TRHR: variants seen among roughly 807,000 people sequenced by gnomAD.
TRHR encodes thyrotropin-releasing hormone receptor.
TRHR carries 14 observed loss-of-function variants against 28.0 expected under a neutral mutation model. The observed-to-expected ratio is 0.50, with a 90% CI of 0.33 to 0.78. TRHR has a LOEUF of 0.78. Ranked by LOEUF, TRHR falls within the 30% of genes least tolerant of loss-of-function variation. The pLI is 0.02. For missense variants in TRHR, 438 were observed against 469.5 expected (o/e 0.93, Z 0.62); for synonymous variants, 176 against 171.9 (o/e 1.02, Z -0.18).
chr8:109,092,894 A>C (rs1304768143), intron 2 of TRHR, among the ~76,000 whole-genome samples: 1 of 151,956 alleles, frequency 6.6e-6, no homozygotes, highest in Non-Finnish European at 1.5e-5. Flanking sequence ...TCAAAGACCA[A>C]AATCATCATC....
intron 2 of TRHR, among the ~76,000 whole-genome samples, chr8:109,093,786 C>CTG (rs1811548872): frequency 2.0e-5 from 3 of 151,396 alleles, no homozygotes; most frequent in African/African-American, 7.3e-5. Context: ...CAATAATGAC[C>CTG]TACTGCAAAA....
chr8:109,087,612 A>G lies in TRHR; in HGVS notation c.100A>G (p.Ile34Val). The G allele has an allele frequency of 1.2e-6, 2 of 1,614,132 alleles. No homozygotes were observed. Among genetic ancestry groups the G allele is most frequent in the Non-Finnish European group, 1.7e-6 (2 of 1,180,010 alleles). The change falls in exon 2 of 3, where the codon ATT becomes GTT. Residue 34 changes from isoleucine to valine, a missense_variant. By Grantham distance (29) the Ile-to-Val change is conservative (BLOSUM62 3). Coordinates refer to ENST00000518632, the MANE Select transcript of TRHR (RefSeq NM_003301.7). ...YQVVTILLVLIICGLGIVGNI... is the reference protein window; with the variant it reads ...YQVVTILLVLVICGLGIVGNI... Reference sequence around the variant, plus strand: ...GGTGGTCACCATCTTACTTGTACTCATTATTTGTGGCCTGGGCATTGTAGG... The same window carrying G: ...GGTGGTCACCATCTTACTTGTACTCGTTATTTGTGGCCTGGGCATTGTAGG...
Position 109,120,429 on chromosome 8 carries a change from T to C in TRHR, c.*974T>C, listed in dbSNP as rs1811990906. Reference sequence around the variant, plus strand: ...GTCTGAAACATTCTTAAAAGCTTTGTTGTTATTCTAAGTCAGCCAAAATCC... The same window carrying C: ...GTCTGAAACATTCTTAAAAGCTTTGCTGTTATTCTAAGTCAGCCAAAATCC... On this transcript the variant is annotated 3_prime_UTR_variant, in exon 3 of 3. Transcript: ENST00000518632. Among the ~76,000 whole-genome samples, 1 of 151,800 alleles carries C rather than the reference T, an allele frequency of 6.6e-6. No individual in the cohort carries two copies. The highest frequency in any genetic ancestry group is 1.5e-5 in the Non-Finnish European group (1 of 67,836).
In TRHR at chr8:109,087,497, C is replaced by T; in HGVS notation, c.-16C>T. ...TTGAGAAGTCAGTGTTTCCGAGAAA[C>T]TTTAAGCTTCTAAAGATGGAAAACG... On this transcript the variant is annotated 5_prime_UTR_variant, in exon 2 of 3. Transcript: ENST00000518632. The T allele has an allele frequency of 6.2e-7, 1 of 1,614,022 alleles. No individual in the cohort carries two copies. Among genetic ancestry groups the T allele is most frequent in the South Asian group, 1.1e-5 (1 of 91,082 alleles).
At chr8:109,103,489 CT>C (rs1160905889) in intron 2 of TRHR, among the ~76,000 whole-genome samples, 1 of 152,144 alleles carries the variant, frequency 6.6e-6, no homozygotes, top group African/African-American at 2.4e-5. Flanking sequence ...GTGCTTGACT[CT>C]TGTTGTTCAT....
intron 2 of TRHR, among the ~76,000 whole-genome samples, chr8:109,098,349 C>T (rs565489792): frequency 1.3e-5 from 2 of 151,894 alleles, no homozygotes; most frequent in African/African-American, 2.4e-5. Flanking sequence ...CCAGGCTGCT[C>T]TCAAACTCCT....
In TRHR at chr8:109,119,664, G is replaced by A; in HGVS notation, c.*209G>A. On this transcript the variant is annotated 3_prime_UTR_variant, in exon 3 of 3. Transcript: ENST00000518632. ...AACTAATATCACTAAAAATGGAGCAGATCTGTGAAATAGCTAAATGATGGA... is the reference window on the plus strand; with the variant it reads ...AACTAATATCACTAAAAATGGAGCAAATCTGTGAAATAGCTAAATGATGGA... The A allele has an allele frequency of 1.8e-6, 1 of 562,640 alleles. No individual in the cohort carries two copies. Among genetic ancestry groups the A allele is most frequent in the Non-Finnish European group, 3.1e-6 (1 of 324,654 alleles). The allele number at this position is 562,640 out of a possible 1,614,324, so 34.9% of individuals were successfully genotyped here.
intron 2 of TRHR, among the ~76,000 whole-genome samples, chr8:109,118,805 G>T (rs966393381): frequency 3.3e-5 from 5 of 151,824 alleles, no homozygotes; most frequent in African/African-American, 1.2e-4. Flanking sequence ...GTTGGCTATA[G>T]GGGGAGCTAT....
intron 2 of TRHR, among the ~76,000 whole-genome samples, chr8:109,114,924 A>C (rs924393758): frequency 2.6e-5 from 4 of 152,032 alleles, no homozygotes; most frequent in Non-Finnish European, 4.4e-5. Flanking sequence ...TGACTGATAC[A>C]CAGTAGGGAT....
In TRHR at chr8:109,120,700, T is replaced by C. The variant is rs1242962338; in HGVS notation, c.*1245T>C. On this transcript the variant is annotated 3_prime_UTR_variant, in exon 3 of 3. Transcript: ENST00000518632. ...AGTATGTCATCTTTATATTTATGAC[T>C]GACATCTGCTATTCCAGTGTTTATT... Among the ~76,000 whole-genome samples, 2 of 151,830 alleles carry C rather than the reference T, an allele frequency of 1.3e-5. No homozygotes were observed. The highest frequency in any genetic ancestry group is 2.9e-5 in the Non-Finnish European group (2 of 67,850).
At chr8:109,109,102 G>A (rs1454314218) in intron 2 of TRHR, among the ~76,000 whole-genome samples, 1 of 152,166 alleles carries the variant, frequency 6.6e-6, no homozygotes, top group African/African-American at 2.4e-5. Context: ...GCGTGAATAA[G>A]AATACCTTTG....
chr8:109,093,239 G>A (rs1811540601), intron 2 of TRHR, among the ~76,000 whole-genome samples: 1 of 151,646 alleles, frequency 6.6e-6, no homozygotes, highest in South Asian at 2.1e-4. Flanking sequence ...ATGTGTCTCA[G>A]TGATCCCCAC....
intron 2 of TRHR, among the ~76,000 whole-genome samples, chr8:109,101,438 G>A (rs886084729): frequency 2.6e-5 from 4 of 152,200 alleles, no homozygotes; most frequent in East Asian, 3.9e-4. Context: ...ACTATGTGAC[G>A]TGAACAAGTT....
chr8:109,116,434 G>A (rs1811922680), intron 2 of TRHR, among the ~76,000 whole-genome samples: 1 of 152,016 alleles, frequency 6.6e-6, no homozygotes, highest in African/African-American at 2.4e-5. Flanking sequence ...TCTGCTCCTG[G>A]ACTTTTTTTG....
At chr8:109,094,621 A>G (rs1811562255) in intron 2 of TRHR, among the ~76,000 whole-genome samples, 1 of 151,884 alleles carries the variant, frequency 6.6e-6, no homozygotes, top group African/African-American at 2.4e-5. Flanking sequence ...TACATATCCT[A>G]TAAGTTGACT....
intron 2 of TRHR, among the ~76,000 whole-genome samples, chr8:109,090,597 A>C (rs1013178284): frequency 2.6e-5 from 4 of 152,196 alleles, no homozygotes; most frequent in Non-Finnish European, 5.9e-5. Flanking sequence ...GTGTCTTGTA[A>C]TTCAACCCTG....
In TRHR at chr8:109,087,428, G is replaced by A. The variant is rs569370454; in HGVS notation, c.-85G>A. 3.0e-5 allele frequency: 43 copies of A among 1,431,094 alleles called. No individual in the cohort carries two copies. The highest frequency in any genetic ancestry group is 3.9e-5 in the Non-Finnish European group (40 of 1,026,206). 88.6% of individuals were successfully genotyped at this position (1,431,094 alleles called of 1,614,324 possible). A position where few individuals can be genotyped will look rare whatever the true frequency, so the allele number is the denominator to read the frequency against. ...TATGTACTATGACCCTTCACAGGGG[G>A]ATGGAACTGCTGCAATAAAGGTGGG... On this transcript the variant is annotated 5_prime_UTR_variant, in exon 2 of 3. Coordinates refer to ENST00000518632, the MANE Select transcript of TRHR (RefSeq NM_003301.7).
At chr8:109,107,718 G>T (rs1009565019) in intron 2 of TRHR, among the ~76,000 whole-genome samples, 2 of 152,030 alleles carry the variant, frequency 1.3e-5, no homozygotes, top group South Asian at 2.1e-4. Flanking sequence ...CTCTTATCAA[G>T]GATGCAGATT....
At chr8:109,108,756 T>G (rs1811787324) in intron 2 of TRHR, among the ~76,000 whole-genome samples, 1 of 152,182 alleles carries the variant, frequency 6.6e-6, no homozygotes, top group African/African-American at 2.4e-5. Flanking sequence ...GACATTTTAT[T>G]TTCTAAATTT....
Sources: allele counts gnomAD v4.1 joint callset (sites outside exome capture counted in the v4.1 genomes callset), GRCh38; gene constraint gnomAD v4.1.1; transcripts MANE v1.5; gene names NCBI Gene and HGNC (gene_info 2026-07-23, HGNC 2026-07-21).